The following AGER variants were observed in gnomAD, a reference collection of about 807,000 sequenced individuals.
AGER encodes the protein advanced glycation end product-specific receptor.
A neutral mutation model predicts 48.8 loss-of-function variants in AGER; 46 were observed. That is an observed-to-expected ratio of 0.94 (90% CI 0.74 to 1.20). AGER has a LOEUF of 1.20. Ranked by LOEUF, AGER falls within the 50% of genes most tolerant of loss-of-function variation. The pLI is 0.00. For synonymous variants in AGER, 170 were observed against 199.9 expected, an observed-to-expected ratio of 0.85 and a Z score of 1.26; for missense variants, 489 against 515.0, an observed-to-expected ratio of 0.95 and a Z score of 0.49.
In AGER at chr6:32,181,725, T is replaced by C. The variant is rs1355596846; in HGVS notation, c.965-93A>G. Reference sequence around the variant, plus strand: ...GCCCCAGTGGAGTCTTTCCCTTTCTTTTTTTTTTTGAGATGGAGTTTCACT... The same window carrying C: ...GCCCCAGTGGAGTCTTTCCCTTTCTCTTTTTTTTTGAGATGGAGTTTCACT... On this transcript the variant is annotated intron_variant, in intron 8 of 10. Transcript: ENST00000375076. This position sits in a 1 kb window ranked among gnomAD's most constrained non-coding sequence, Gnocchi z 4.1. The C allele has an allele frequency of 4.7e-6, 6 of 1,270,696 alleles. No individual in the cohort carries two copies. The highest frequency in any genetic ancestry group is 5.5e-6 in the Non-Finnish European group (5 of 914,080). The allele number at this position is 1,270,696 out of a possible 1,614,324, so 78.7% of individuals were successfully genotyped here.
Position 32,181,033 on chromosome 6 carries a change from G to T in AGER, c.*110C>A. 1.8e-6 allele frequency: 2 copies of T among 1,118,404 alleles called. No individual in the cohort carries two copies. Among genetic ancestry groups the T allele is most frequent in the Non-Finnish European group, 2.6e-6 (2 of 756,806 alleles). 69.3% of individuals were successfully genotyped at this position (1,118,404 alleles called of 1,614,324 possible). On this transcript the variant is annotated 3_prime_UTR_variant, in exon 11 of 11. Transcript: ENST00000375076. The surrounding 1 kb of genome is among the most constrained non-coding windows in gnomAD (Gnocchi z 4.1). ...CTGGTTGTAGAAGAAAGCTTGGCAAGGTGGGGTTATACAGGAGAGAGATTA... is the reference window on the plus strand; with the variant it reads ...CTGGTTGTAGAAGAAAGCTTGGCAATGTGGGGTTATACAGGAGAGAGATTA...
Position 32,184,215 on chromosome 6 carries a change from G to T in AGER, c.8C>A (p.Ala3Asp). 6.2e-7 allele frequency: 1 copy of T among 1,612,704 alleles called. No individual in the cohort carries two copies. Among genetic ancestry groups the T allele is most frequent in the Non-Finnish European group, 8.5e-7 (1 of 1,179,796 alleles). MA[A>D]GTAVGAWVLV... ...CACCCAGGCTCCAACTGCTGTTCCG[G>T]CAGCCATCCTGCTTCCTTCCAGGGT... The change falls in exon 1 of 11, where the codon GCC becomes GAC. Residue 3 changes from alanine to aspartate, a missense_variant. Transcript: ENST00000375076.
At position 32,181,422 on chromosome 6, in the gene AGER, TCCCAGGATC is replaced by T. The variant is rs1260458362; in HGVS notation, c.1038_1046del (p.Ile347_Gly349del). 1 of 1,613,356 alleles carries T rather than the reference TCCCAGGATC, an allele frequency of 6.2e-7. No homozygotes were observed. On this transcript the variant is annotated inframe_deletion, in exon 10 of 11. Coordinates refer to ENST00000375076, the MANE Select transcript of AGER (RefSeq NM_001136.5). This position sits in a 1 kb window ranked among gnomAD's most constrained non-coding sequence, Gnocchi z 4.1. The stretch of plus-strand genomic sequence containing the variant: ...TGAGCAGGGCGGCTGTCCCCAGGCC[TCCCAGGATC>T]CCCAGGGCCAGGGCTAGAGTTCCCA...
Position 32,182,607 on chromosome 6 carries a change from G to A in AGER, c.783C>T (p.Val261=). The A allele has an allele frequency of 6.2e-7, 1 of 1,613,064 alleles. No individual in the cohort carries two copies. The change falls in exon 7 of 11, where the codon GTC becomes GTT. Residue 261 remains valine (V), a synonymous_variant. Coordinates refer to ENST00000375076, the MANE Select transcript of AGER (RefSeq NM_001136.5). The surrounding 1 kb of genome is among the most constrained non-coding windows in gnomAD (Gnocchi z 5.1). ...GGATTTGAGGAGAGGGCTGGGCAGG[G>A]ACTTCACAGGTCAGGGTTACGGTTC... ...PGGTVTLTCE[V]PAQPSPQIHW...
chr6:32,182,712 G>A lies in AGER; in HGVS notation c.692-14C>T. 6.2e-7 allele frequency: 1 copy of A among 1,613,120 alleles called. No homozygotes were observed. Among genetic ancestry groups the A allele is most frequent in the Non-Finnish European group, 8.5e-7 (1 of 1,180,042 alleles). On this transcript the variant is annotated splice_polypyrimidine_tract_variant and intron_variant, in intron 6 of 10. Transcript: ENST00000375076. The surrounding 1 kb of genome is among the most constrained non-coding windows in gnomAD (Gnocchi z 5.1). ...GAGGCACAGGCTCTGGGAGTTGGAA[G>A]GGTTTTGAGGTGGAGAGTTACACTT...
At position 32,182,845 on chromosome 6, in the gene AGER, G is replaced by C; in HGVS notation, c.687C>G (p.Val229=). 1 of 1,612,206 alleles carries C rather than the reference G, an allele frequency of 6.2e-7. No homozygotes were observed. Among genetic ancestry groups the C allele is most frequent in the Non-Finnish European group, 8.5e-7 (1 of 1,179,728 alleles). The part of the protein sequence containing the change: ...ALRTAPIQPR[V]WEPVPLEEVQ... ...GCCCTCCCCACCTATGCTCACCCCAGACACGGGGCTGGATGGGGGCTGTGC... is the reference window on the plus strand; with the variant it reads ...GCCCTCCCCACCTATGCTCACCCCACACACGGGGCTGGATGGGGGCTGTGC... The change falls in exon 6 of 11, where the codon GTC becomes GTG. Residue 229 remains valine, a synonymous_variant. Transcript: ENST00000375076. This position sits in a 1 kb window ranked among gnomAD's most constrained non-coding sequence, Gnocchi z 5.1.
chr6:32,184,027 G>T, intron 1 of AGER, 40 bp from the exon 2 acceptor site: 1 of 1,612,634 alleles, frequency 6.2e-7, no homozygotes, highest in East Asian at 2.2e-5. Context: ...GGAAGGGAAT[G>T]AGGGCTAACA....
chr6:32,181,418 G>T lies in AGER; in HGVS notation c.1051C>A (p.Leu351Met). 6.2e-7 allele frequency: 1 copy of T among 1,613,510 alleles called. No homozygotes were observed. Among genetic ancestry groups the T allele is most frequent in the Non-Finnish European group, 8.5e-7 (1 of 1,179,866 alleles). Residue 351 changes from leucine to methionine, a missense_variant, in exon 10 of 11, where the codon CTG (leucine) becomes ATG (methionine). Physicochemically the swap from Leu to Met is conservative, Grantham distance 15. Transcript: ENST00000375076. The surrounding 1 kb of genome is among the most constrained non-coding windows in gnomAD (Gnocchi z 4.1). ...LALALGILGG[L>M]GTAALLIGVI... ...CCAATGAGCAGGGCGGCTGTCCCCA[G>T]GCCTCCCAGGATCCCCAGGGCCAGG...
At chr6:32,183,777 C>T in intron 2 of AGER, 27 bp from the exon 3 acceptor site, 2 of 1,611,606 alleles carry the variant, frequency 1.2e-6, no homozygotes, top group Admixed American at 1.7e-5. Context: ...AGGGCCTAAA[C>T]AGTGCAAGGC....
intron 3 of AGER, 57 bp from the exon 4 acceptor site, chr6:32,183,445 G>A (rs1035798): frequency 0.22 from 351,831 of 1,606,784 alleles, 43,015 homozygotes; most frequent in Middle Eastern, 0.31. Context: ...CAAACTCTGT[G>A]TGTGGAAATG....
rs1390220405 is a variant in AGER at position 32,181,130 on chromosome 6, G to C, written c.*13C>G. ...AAAAGGGAGCTGATGGATGGGATCTGTCTGTGGGCCCCTCAAGGCCCTCCA... is the reference window on the plus strand; with the variant it reads ...AAAAGGGAGCTGATGGATGGGATCTCTCTGTGGGCCCCTCAAGGCCCTCCA... On this transcript the variant is annotated 3_prime_UTR_variant, in exon 11 of 11. Coordinates refer to ENST00000375076, the MANE Select transcript of AGER (RefSeq NM_001136.5). This position sits in a 1 kb window ranked among gnomAD's most constrained non-coding sequence, Gnocchi z 4.1. 1.2e-6 allele frequency: 2 copies of C among 1,613,226 alleles called. No homozygotes were observed. Among genetic ancestry groups the C allele is most frequent in the South Asian group, 2.2e-5 (2 of 91,042 alleles).
chr6:32,183,921 C>G lies in AGER; in HGVS notation c.119G>C (p.Gly40Ala). 6.2e-7 allele frequency: 1 copy of G among 1,613,030 alleles called. No individual in the cohort carries two copies. The highest frequency in any genetic ancestry group is 1.7e-5 in the Admixed American group (1 of 60,022). ...CCGCTGGGGTGGTTTCTTGGGGGCC[C>G]CCTTACACTTCAGCACCAGTGGCTC... Reference protein sequence around the residue: ...IGEPLVLKCKGAPKKPPQRLE... With the variant: ...IGEPLVLKCKAAPKKPPQRLE... Residue 40 changes from glycine (G) to alanine (A), a missense_variant, in exon 2 of 11, where the codon GGG becomes GCG. Gly to Ala is a moderately conservative substitution (Grantham distance 60, BLOSUM62 0). Transcript: ENST00000375076.
chr6:32,181,038 G>C lies in AGER; in HGVS notation c.*105C>G, dbSNP rs1786080432. 8.5e-7 allele frequency: 1 copy of C among 1,181,704 alleles called. No individual in the cohort carries two copies. Among genetic ancestry groups the C allele is most frequent in the East Asian group, 2.3e-5 (1 of 42,598 alleles). 73.2% of individuals were successfully genotyped at this position (1,181,704 alleles called of 1,614,324 possible). On this transcript the variant is annotated 3_prime_UTR_variant, in exon 11 of 11. Coordinates refer to ENST00000375076, the MANE Select transcript of AGER (RefSeq NM_001136.5). This position sits in a 1 kb window ranked among gnomAD's most constrained non-coding sequence, Gnocchi z 4.1. ...TGTAGAAGAAAGCTTGGCAAGGTGG[G>C]GTTATACAGGAGAGAGATTATACAG...
rs557485500 is a variant in AGER at position 32,181,794 on chromosome 6, C to A, written c.965-162G>T. Reference sequence around the variant, plus strand: ...ATGCAATGGTGCGATCTTGGCTCATCGCAATCTATGCCTCCTGGGTTCAAG... The same window carrying A: ...ATGCAATGGTGCGATCTTGGCTCATAGCAATCTATGCCTCCTGGGTTCAAG... On this transcript the variant is annotated intron_variant, in intron 8 of 10. Coordinates refer to ENST00000375076, the MANE Select transcript of AGER (RefSeq NM_001136.5). The surrounding 1 kb of genome is among the most constrained non-coding windows in gnomAD (Gnocchi z 4.1). Among the ~76,000 whole-genome samples the A allele has an allele frequency of 1.5e-3, 231 of 152,104 alleles. 5 individuals are homozygous for A. Among genetic ancestry groups the A allele is most frequent in the Non-Finnish European group, 1.2e-3 (80 of 68,002 alleles).
intron 1 of AGER, 35 bp from the exon 2 acceptor site, chr6:32,184,022 G>A: frequency 1.2e-6 from 2 of 1,612,626 alleles, no homozygotes; most frequent in East Asian, 2.2e-5. Context: ...GGGTAGGAAG[G>A]GAATGAGGGC....
rs1786389098 is a variant in AGER at position 32,182,396 on chromosome 6, G to C, written c.823-8C>G. The C allele has an allele frequency of 1.2e-6, 2 of 1,608,590 alleles. No individual in the cohort carries two copies. The highest frequency in any genetic ancestry group is 2.2e-5 in the South Asian group (2 of 90,934). ...AAGGGGCAAGGGCACACCCTGGTGG[G>C]GGAAGGGGAGAGGAGACTATTTCAA... On this transcript the variant is annotated splice_region_variant and splice_polypyrimidine_tract_variant and intron_variant, in intron 7 of 10. Transcript: ENST00000375076. The surrounding 1 kb of genome is among the most constrained non-coding windows in gnomAD (Gnocchi z 5.1).
chr6:32,183,991 G>A lies in AGER; in HGVS notation c.53-4C>T. On this transcript the variant is annotated splice_polypyrimidine_tract_variant and splice_region_variant and intron_variant, in intron 1 of 10. Coordinates refer to ENST00000375076, the MANE Select transcript of AGER (RefSeq NM_001136.5). ...TTTTGAGCACCTACTACTGCCCCTG[G>A]GAGATAGCACCATGGTAGAGGGGTA... 1.2e-6 allele frequency: 2 copies of A among 1,613,012 alleles called. No individual in the cohort carries two copies. Among genetic ancestry groups the A allele is most frequent in the East Asian group, 2.2e-5 (1 of 44,880 alleles).
At position 32,184,212 on chromosome 6, in the gene AGER, C is replaced by G; in HGVS notation, c.11G>C (p.Gly4Ala). The G allele has an allele frequency of 6.2e-7, 1 of 1,612,766 alleles. No homozygotes were observed. Among genetic ancestry groups the G allele is most frequent in the Non-Finnish European group, 8.5e-7 (1 of 1,179,830 alleles). The part of the protein sequence containing the change: MAA[G>A]TAVGAWVLVL... ...CAGCACCCAGGCTCCAACTGCTGTT[C>G]CGGCAGCCATCCTGCTTCCTTCCAG... The change falls in exon 1 of 11, where the codon GGA (glycine) becomes GCA (alanine). Residue 4 changes from glycine (G) to alanine (A), a missense_variant. Coordinates refer to ENST00000375076, the MANE Select transcript of AGER (RefSeq NM_001136.5).
At position 32,181,437 on chromosome 6, in the gene AGER, G is replaced by A; in HGVS notation, c.1032C>T (p.Ala344=). 6.2e-7 allele frequency: 1 copy of A among 1,613,314 alleles called. No individual in the cohort carries two copies. The highest frequency in any genetic ancestry group is 8.5e-7 in the Non-Finnish European group (1 of 1,179,904). ...GGSGLGTLAL[A]LGILGGLGTA... Reference sequence around the variant, plus strand: ...TCCCCAGGCCTCCCAGGATCCCCAGGGCCAGGGCTAGAGTTCCCAGCCCTG... The same window carrying A: ...TCCCCAGGCCTCCCAGGATCCCCAGAGCCAGGGCTAGAGTTCCCAGCCCTG... Residue 344 remains alanine (A), a synonymous_variant, in exon 10 of 11, where the codon GCC becomes GCT. Coordinates refer to ENST00000375076, the MANE Select transcript of AGER (RefSeq NM_001136.5). This position sits in a 1 kb window ranked among gnomAD's most constrained non-coding sequence, Gnocchi z 4.1.
Sources: allele counts gnomAD v4.1 joint callset (sites outside exome capture counted in the v4.1 genomes callset), GRCh38; gene constraint gnomAD v4.1.1; non-coding constraint Gnocchi (gnomAD v3.1); transcripts MANE v1.5; gene names NCBI Gene and HGNC (gene_info 2026-07-23, HGNC 2026-07-21).